PREX2: variants seen among roughly 807,000 people sequenced by gnomAD.
PREX2 encodes phosphatidylinositol 3,4,5-trisphosphate-dependent Rac exchanger 2 protein.
PREX2 carries 107 observed loss-of-function variants against 203.2 expected under a neutral mutation model. The observed-to-expected ratio is 0.53, with a 90% CI of 0.45 to 0.62. The LOEUF (loss-of-function observed/expected upper bound fraction) is 0.62, where lower values mean the gene tolerates loss of function less well. PREX2 is among the 20% of genes least tolerant of loss of function. The probability of loss-of-function intolerance (pLI) is 0.00; values close to 1 mark genes in which losing one functional copy is unlikely to be tolerated. For synonymous variants in PREX2, 672 were observed against 663.6 expected, an observed-to-expected ratio of 1.01 and a Z score of -0.19; for missense variants, 1,777 against 1,955.9, an observed-to-expected ratio of 0.91 and a Z score of 1.72.
At chr8:68,068,131 T>C (rs974318690) in intron 11 of PREX2, among the ~76,000 whole-genome samples, 1 of 152,104 alleles carries the variant, frequency 6.6e-6, no homozygotes, top group African/African-American at 2.4e-5. Context: ...TTGTTTAGGA[T>C]TTTGGCATCC....
At chr8:68,128,571 G>A (rs1442526619) in intron 31 of PREX2, among the ~76,000 whole-genome samples, 11 of 152,096 alleles carry the variant, frequency 7.2e-5, no homozygotes, top group African/African-American at 2.7e-4. Context: ...GTAACATTTG[G>A]CTGGCTGTTA....
At chr8:68,091,290 C>G (rs1809867150) in intron 20 of PREX2, among the ~76,000 whole-genome samples, 1 of 151,336 alleles carries the variant, frequency 6.6e-6, no homozygotes, top group Non-Finnish European at 1.5e-5. Flanking sequence ...TTGTAGAACA[C>G]TATCCTTTGA....
intron 21 of PREX2, among the ~76,000 whole-genome samples, chr8:68,096,665 G>A (rs529063140): frequency 1.3e-4 from 20 of 151,912 alleles, no homozygotes; most frequent in African/African-American, 4.8e-4. Context: ...TACAACATTC[G>A]AGGCAGTTTT....
In PREX2 at chr8:68,234,958, A is replaced by T. The variant is rs1813239791; in HGVS notation, c.*3580A>T. 1 of 152,168 alleles carries T rather than the reference A, an allele frequency of 6.6e-6. No homozygotes were observed. The highest frequency in any genetic ancestry group is 6.6e-5 in the Admixed American group (1 of 15,266). The allele number at this position is 152,168 out of a possible 1,614,324, so 9.4% of individuals were successfully genotyped here. ...GAGAGCCAAAAAAATGAATGGGTAA[A>T]CAAAGCCTAAGGGTCATGTTAATTA... On this transcript the variant is annotated 3_prime_UTR_variant, in exon 40 of 40. Transcript: ENST00000288368.
At position 68,019,537 on chromosome 8, in the gene PREX2, G is replaced by C. The variant is rs528854952; in HGVS notation, c.214-12G>C. 1 of 1,600,894 alleles carries C rather than the reference G, an allele frequency of 6.2e-7. No individual in the cohort carries two copies. Among genetic ancestry groups the C allele is most frequent in the Non-Finnish European group, 8.5e-7 (1 of 1,174,328 alleles). On this transcript the variant is annotated splice_polypyrimidine_tract_variant and intron_variant, in intron 2 of 39. Coordinates refer to ENST00000288368, the MANE Select transcript of PREX2 (RefSeq NM_024870.4). ...CACTACTGAGCTTACTTACACATTT[G>C]TTTATTTACAGATGTTGTTCTCAAA...
intron 1 of PREX2, among the ~76,000 whole-genome samples, chr8:67,987,876 T>C (rs915903195): frequency 1.3e-5 from 2 of 151,964 alleles, no homozygotes; most frequent in African/African-American, 2.4e-5. Context: ...TATTTGTGGA[T>C]GTGTCTGTCT....
rs1811062715 is a variant in PREX2 at position 68,134,103 on chromosome 8, C to T, written c.3811C>T (p.Leu1271Phe). 6.2e-7 allele frequency: 1 copy of T among 1,614,056 alleles called. No homozygotes were observed. The highest frequency in any genetic ancestry group is 8.5e-7 in the Non-Finnish European group (1 of 1,180,020). ...LRRDMVFCQT[L>F]VATVCAFSEQ... Reference sequence around the variant, plus strand: ...TAGAGACATGGTTTTCTGCCAGACTCTTGTGGCCACTGTCTGTGCCTTCTC... The same window carrying T: ...TAGAGACATGGTTTTCTGCCAGACTTTTGTGGCCACTGTCTGTGCCTTCTC... Residue 1271 changes from leucine (L) to phenylalanine (F), a missense_variant, in exon 32 of 40, where the codon CTT becomes TTT. Coordinates refer to ENST00000288368, the MANE Select transcript of PREX2 (RefSeq NM_024870.4).
chr8:68,168,059 T>TA (rs1161713362), intron 35 of PREX2, among the ~76,000 whole-genome samples: 18 of 152,346 alleles, frequency 1.2e-4, no homozygotes, highest in African/African-American at 4.3e-4. Flanking sequence ...TACTAGTCTT[T>TA]AAATGTGCTT....
intron 30 of PREX2, among the ~76,000 whole-genome samples, chr8:68,125,592 GC>G (rs1810871238): frequency 6.6e-6 from 1 of 152,084 alleles, no homozygotes; most frequent in African/African-American, 2.4e-5. Flanking sequence ...CTAAGACGAT[GC>G]CTATCTCCTG....
In PREX2 at chr8:68,109,426, C is replaced by A. The variant is rs1194218630; in HGVS notation, c.2949C>A (p.Ser983Arg). The A allele has an allele frequency of 1.9e-6, 3 of 1,613,434 alleles. No individual in the cohort carries two copies. Among genetic ancestry groups the A allele is most frequent in the Non-Finnish European group, 1.7e-6 (2 of 1,179,634 alleles). The change falls in exon 25 of 40, where the codon AGC (serine) becomes AGA (arginine). Residue 983 changes from serine (S) to arginine (R), a missense_variant. By Grantham distance (110) the Ser-to-Arg change is moderately radical. Coordinates refer to ENST00000288368, the MANE Select transcript of PREX2 (RefSeq NM_024870.4). ...ACTTTAATTCCTCAGGGAAACTGAG[C>A]CCTATGGTGTACATTCAGCACACCA... Reference protein sequence around the residue: ...ENKSSEQGKLSPMVYIQHTIT... With the variant: ...ENKSSEQGKLRPMVYIQHTIT...
At chr8:68,218,458 A>G (rs1377632806) in intron 38 of PREX2, among the ~76,000 whole-genome samples, 1 of 152,214 alleles carries the variant, frequency 6.6e-6, no homozygotes, top group African/African-American at 2.4e-5. Flanking sequence ...AAGAAATCAA[A>G]AGACAAATTT....
rs927046057 is a variant in PREX2, at chr8:68,061,523, A to T, written c.1339+744A>T. 2.6e-5 allele frequency among the ~76,000 whole-genome samples: 4 copies of T among 152,240 alleles called. No individual in the cohort carries two copies. The East Asian group carries it at 7.7e-4, about 29-fold the overall frequency. Reference sequence around the variant, plus strand: ...CCAGGAGTGGCGGGACAAGGTCTTCAGCAGGTCTGCCTCCGTGGGCATGAA... The same window carrying T: ...CCAGGAGTGGCGGGACAAGGTCTTCTGCAGGTCTGCCTCCGTGGGCATGAA... On this transcript the variant is annotated intron_variant, in intron 11 of 39. Coordinates refer to ENST00000288368, the MANE Select transcript of PREX2 (RefSeq NM_024870.4).
rs1171494816 is a variant in PREX2, at chr8:68,092,923, A to G, written c.2251-682A>G. On this transcript the variant is annotated intron_variant, in intron 20 of 39. Transcript: ENST00000288368. ...CCCACCTCAGCCTCCCAAAGTGCTG[A>G]GATTATAAGTGTGAGTCACCATGCC... 3.3e-5 allele frequency among the ~76,000 whole-genome samples: 5 copies of G among 152,140 alleles called. No individual in the cohort carries two copies. The South Asian group carries it at 8.3e-4, about 25-fold the overall frequency.
At chr8:68,146,127 G>A (rs958697691) in intron 33 of PREX2, 82 bp from the exon 34 acceptor site, 2 of 944,820 alleles carry the variant, frequency 2.1e-6, no homozygotes, top group Non-Finnish European at 3.2e-6. Flanking sequence ...GTAATTCTCA[G>A]GATTCTTTCT....
intron 18 of PREX2, among the ~76,000 whole-genome samples, chr8:68,086,897 T>G (rs1330177831): frequency 6.6e-6 from 1 of 152,200 alleles, no homozygotes; most frequent in East Asian, 1.9e-4. Context: ...GACAGATCTG[T>G]TCTTTATAAC....
chr8:68,186,904 A>T lies in PREX2; in HGVS notation c.4347-4818A>T, dbSNP rs1812201414. The stretch of plus-strand genomic sequence containing the variant: ...CCTTTAAAAGTTATTTCTGTAACTT[A>T]TTTTTTTCCTTTAAACATTCGCACC... On this transcript the variant is annotated intron_variant, in intron 35 of 39. Transcript: ENST00000288368. Among the ~76,000 whole-genome samples the T allele has an allele frequency of 3.9e-5, 6 of 152,148 alleles. No individual in the cohort carries two copies. The South Asian group carries it at 1.2e-3, about 32-fold the overall frequency.
chr8:67,999,067 C>T (rs188951942), intron 1 of PREX2, among the ~76,000 whole-genome samples: 2 of 152,174 alleles, frequency 1.3e-5, no homozygotes, highest in East Asian at 1.9e-4. Context: ...AATTGAAATA[C>T]ATAAATTCTG....
intron 35 of PREX2, among the ~76,000 whole-genome samples, chr8:68,165,836 T>C (rs1811749880): frequency 6.6e-6 from 1 of 152,186 alleles, no homozygotes; most frequent in Non-Finnish European, 1.5e-5. Context: ...GTGGGTCCAC[T>C]TTCCTAGATA....
intron 35 of PREX2, among the ~76,000 whole-genome samples, chr8:68,164,877 C>A (rs1463535097): frequency 7.2e-6 from 1 of 138,780 alleles, no homozygotes; most frequent in Non-Finnish European, 1.5e-5. Flanking sequence ...CCACTGAGCC[C>A]GGCCAAACCT....
Sources: gnomAD v4.1 joint callset for allele counts (sites outside exome capture counted in the v4.1 genomes callset) on GRCh38, gnomAD v4.1.1 for gene constraint, MANE v1.5 for transcripts, NCBI Gene and HGNC (gene_info 2026-07-23, HGNC 2026-07-21) for gene names.